The following PIERCE2 variants were observed in gnomAD, a reference collection of about 807,000 sequenced individuals.
PIERCE2 encodes the protein piercer of microtubule wall 2.
the PIERCE2 span, among the ~76,000 whole-genome samples, chr15:55,414,497 A>C: frequency 1.3e-5 from 2 of 152,050 alleles, no homozygotes; most frequent in African/African-American, 2.4e-5. Context: ...TAATTTTCCC[A>C]ACTAGAAATG....
chr15:55,415,882 GTCT>G, the PIERCE2 span, among the ~76,000 whole-genome samples: 1 of 152,008 alleles, frequency 6.6e-6, no homozygotes, highest in African/African-American at 2.4e-5. Flanking sequence ...ATGAGGGGTG[GTCT>G]TCTCCCTTAG....
At chr15:55,411,867 G>A in the PIERCE2 span, among the ~76,000 whole-genome samples, 153 of 152,154 alleles carry the variant, frequency 1.0e-3, 1 homozygote, top group African/African-American at 3.3e-3. Flanking sequence ...GTTGCGGTGA[G>A]CTGAGATTGC....
At chr15:55,416,707 C>T in the PIERCE2 span, among the ~76,000 whole-genome samples, 94 of 152,044 alleles carry the variant, frequency 6.2e-4, no homozygotes, top group Admixed American at 1.2e-3. Context: ...ACCTGTAATC[C>T]CAACACTTTG....
At chr15:55,408,836 T>C in the PIERCE2 span, 1 of 1,433,992 alleles carries the variant, frequency 7.0e-7, no homozygotes, top group Non-Finnish European at 9.4e-7. Context: ...TATTCGCTAG[T>C]ATAATTTGAG....
chr15:55,412,133 A>T, the PIERCE2 span, among the ~76,000 whole-genome samples: 1 of 150,822 alleles, frequency 6.6e-6, no homozygotes, highest in South Asian at 2.1e-4. Flanking sequence ...TCCCATTCAT[A>T]TAGTGATTCA....
At chr15:55,411,749 C>T in the PIERCE2 span, among the ~76,000 whole-genome samples, 1,497 of 152,132 alleles carry the variant, frequency 9.8e-3, 21 homozygotes, top group African/African-American at 0.034. Flanking sequence ...TGGAGAAACC[C>T]CATCTCTACT....
the PIERCE2 span, among the ~76,000 whole-genome samples, chr15:55,409,917 T>C: frequency 8.5e-5 from 13 of 152,202 alleles, no homozygotes; most frequent in Admixed American, 2.0e-4. Flanking sequence ...AATTAACCTT[T>C]TTATCATTTA....
the PIERCE2 span, chr15:55,418,426 G>A: frequency 2.6e-6 from 4 of 1,526,554 alleles, no homozygotes; most frequent in Non-Finnish European, 3.5e-6. Context: ...CTATTCCACA[G>A]TTTTTCCCCT....
the PIERCE2 span, chr15:55,410,384 C>A: frequency 6.6e-6 from 1 of 152,082 alleles, no homozygotes; most frequent in African/African-American, 2.4e-5. Flanking sequence ...GCCTATAATT[C>A]CAGCATTTAA....
At chr15:55,408,822 T>C in the PIERCE2 span, 2,427 of 1,484,166 alleles carry the variant, frequency 1.6e-3, 24 homozygotes, top group East Asian at 5.7e-3. Context: ...TTTGGGAATG[T>C]TGGTATTCGC....
the PIERCE2 span, chr15:55,418,611 GA>G: frequency 2.4e-6 from 3 of 1,271,278 alleles, no homozygotes; most frequent in Non-Finnish European, 3.2e-6. Flanking sequence ...ATATACTCGG[GA>G]AAAATGAGTG....
chr15:55,408,598 C>T, the PIERCE2 span: 4 of 412,150 alleles, frequency 9.7e-6, no homozygotes, highest in South Asian at 1.4e-4. Context: ...AACAGCTCCC[C>T]GGATTAAACG....
chr15:55,417,483 G>A, the PIERCE2 span, among the ~76,000 whole-genome samples: 3 of 151,912 alleles, frequency 2.0e-5, no homozygotes, highest in African/African-American at 7.3e-5. Flanking sequence ...TATGTAATTA[G>A]TTATTTAATG....
At chr15:55,412,499 G>A in the PIERCE2 span, among the ~76,000 whole-genome samples, 2 of 152,176 alleles carry the variant, frequency 1.3e-5, no homozygotes, top group Non-Finnish European at 2.9e-5. Context: ...GAATCTAAGT[G>A]ACTTGTCCAA....
At chr15:55,409,574 G>A in the PIERCE2 span, among the ~76,000 whole-genome samples, 1 of 152,172 alleles carries the variant, frequency 6.6e-6, no homozygotes, top group African/African-American at 2.4e-5. Context: ...AGACAAAAGA[G>A]TGCCTCAAAA....
chr15:55,410,369 C>A, the PIERCE2 span, among the ~76,000 whole-genome samples: 1 of 152,158 alleles, frequency 6.6e-6, no homozygotes, highest in South Asian at 2.1e-4. Context: ...GGCGCGGTGG[C>A]TCATGCCTAT....
At chr15:55,408,735 A>T in the PIERCE2 span, 1 of 1,516,310 alleles carries the variant, frequency 6.6e-7, no homozygotes, top group Middle Eastern at 1.7e-4. Flanking sequence ...ATGAAAACTG[A>T]CTTTGCCGAA....
chr15:55,417,822 C>A, the PIERCE2 span: 1 of 248,732 alleles, frequency 4.0e-6, no homozygotes, highest in South Asian at 9.0e-5. Context: ...AGACAGTCAG[C>A]GAAGGGAGAT....
the PIERCE2 span, among the ~76,000 whole-genome samples, chr15:55,414,200 T>G: frequency 2.8e-4 from 10 of 36,228 alleles, no homozygotes; most frequent in African/African-American, 6.1e-4. Flanking sequence ...CCAGGCCTGG[T>G]TTTTTTTTGT....
Sources: allele counts gnomAD v4.1 joint callset (sites outside exome capture counted in the v4.1 genomes callset), GRCh38; gene constraint gnomAD v4.1.1; transcripts MANE v1.5; gene names NCBI Gene and HGNC (gene_info 2026-07-23, HGNC 2026-07-21).